Variants in SLC22A23 observed in about 807,000 individuals in gnomAD.
SLC22A23 encodes ion transporter protein.
Under a neutral mutation model 61.0 loss-of-function variants are expected in SLC22A23, and 26 were observed. That is an observed-to-expected ratio of 0.43 (90% CI 0.31 to 0.59). SLC22A23 has a LOEUF of 0.59. SLC22A23 is among the 20% of genes least tolerant of loss of function. The pLI is 0.11. For synonymous variants in SLC22A23, 430 were observed against 413.9 expected (o/e 1.04, Z -0.47); for missense variants, 796 against 934.7 (o/e 0.85, Z 1.94).
rs1045651819 is a variant in SLC22A23, at chr6:3,298,100, C to T, written c.1201G>A (p.Val401Met). 6.4e-7 allele frequency: 1 copy of T among 1,563,030 alleles called. No homozygotes were observed. Among genetic ancestry groups the T allele is most frequent in the South Asian group, 1.2e-5 (1 of 82,880 alleles). ...RMNPEGDIKG[V>M]IPELEKELSR... ...CCCGCGGTGTGCTCACCTGGTATCA[C>T]ACCCTTGATGTCGCCCTCAGGGTTC... The change falls in exon 5 of 10, where the codon GTG (valine) becomes ATG (methionine). Residue 401 changes from valine to methionine, a missense_variant. Physicochemically the swap from Val to Met is conservative, Grantham distance 21. Transcript: ENST00000406686.
chr6:3,415,713 G>C, intron 2 of SLC22A23, 39 bp downstream of exon 2: 1 of 1,371,244 alleles, frequency 7.3e-7, no homozygotes, highest in Non-Finnish European at 1.0e-6. Context: ...GCGTGCTGTG[G>C]CCTCCAAAGG....
chr6:3,272,951 G>T lies in SLC22A23; in HGVS notation c.*104C>A. On this transcript the variant is annotated 3_prime_UTR_variant, in exon 10 of 10. Coordinates refer to ENST00000406686, the MANE Select transcript of SLC22A23 (RefSeq NM_015482.2). ...CCACACCAGTTGAGAGGCTCAGCTT[G>T]GCTGAGGCAGCTTTCCCACCCCTGG... The T allele has an allele frequency of 1.9e-6, 2 of 1,057,528 alleles. No individual in the cohort carries two copies. Among genetic ancestry groups the T allele is most frequent in the Non-Finnish European group, 2.7e-6 (2 of 738,626 alleles). 65.5% of individuals were successfully genotyped at this position (1,057,528 alleles called of 1,614,324 possible). A position where few individuals can be genotyped will look rare whatever the true frequency, so the allele number is the denominator to read the frequency against.
chr6:3,284,260 G>A lies in SLC22A23; in HGVS notation c.1580-285C>T, dbSNP rs1340550497. The A allele has an allele frequency of 2.4e-5, 8 of 339,574 alleles. No homozygotes were observed. In the East Asian group the frequency reaches 4.3e-4, roughly 18 times the overall value. 21.0% of individuals were successfully genotyped at this position (339,574 alleles called of 1,614,324 possible). ...GCCGGGAGCCATGCCTGGTGGGAGG[G>A]CAGGCTGGCATGTCCCTGGTGCCAC... On this transcript the variant is annotated intron_variant, in intron 8 of 9. Transcript: ENST00000406686.
intron 4 of SLC22A23, among the ~76,000 whole-genome samples, chr6:3,314,331 T>C (rs529397999): frequency 5.9e-5 from 9 of 152,282 alleles, no homozygotes; most frequent in African/African-American, 1.9e-4. Context: ...GCTCATTATG[T>C]ATGACTGGGC....
At position 3,333,609 on chromosome 6, in the gene SLC22A23, A is replaced by G. The variant is rs545413746; in HGVS notation, c.914-9607T>C. Among the ~76,000 whole-genome samples, 22 of 152,292 alleles carry G rather than the reference A, an allele frequency of 1.4e-4. No individual in the cohort carries two copies. Among genetic ancestry groups the G allele is most frequent in the African/African-American group, 5.3e-4 (22 of 41,560 alleles). ...CCCTCCTCCTTTTCTCAGGTCTCTAAGAGCCATCTTGCCCAGAAGCTTTGC... is the reference window on the plus strand; with the variant it reads ...CCCTCCTCCTTTTCTCAGGTCTCTAGGAGCCATCTTGCCCAGAAGCTTTGC... On this transcript the variant is annotated intron_variant, in intron 3 of 9. Coordinates refer to ENST00000406686, the MANE Select transcript of SLC22A23 (RefSeq NM_015482.2). This position sits in a 1 kb window ranked among gnomAD's most constrained non-coding sequence, Gnocchi z 4.1.
chr6:3,378,664 T>C (rs1354826344), intron 3 of SLC22A23, among the ~76,000 whole-genome samples: 1 of 126,262 alleles, frequency 7.9e-6, no homozygotes. Flanking sequence ...TTTCTTTTTT[T>C]TTTTTTTTTT....
Position 3,444,936 on chromosome 6 carries a change from G to T in SLC22A23, c.654+10970C>A, listed in dbSNP as rs188892300. On this transcript the variant is annotated intron_variant, in intron 1 of 9. Transcript: ENST00000406686. ...TCCTCCCCCCTCAAAGTGCTTCTCA[G>T]ACGACTCATCCCGGTCGTCCTCACC... is the stretch of plus-strand genomic sequence containing the variant. The T allele has an allele frequency of 1.4e-3, 1,391 of 985,542 alleles. 1 individual carries two copies. Among genetic ancestry groups the T allele is most frequent in the Non-Finnish European group, 1.6e-3 (1,311 of 829,946 alleles). The allele number at this position is 985,542 out of a possible 1,614,324, so 61.0% of individuals were successfully genotyped here. A position where few individuals can be genotyped will look rare whatever the true frequency, so the allele number is the denominator to read the frequency against.
At chr6:3,417,407 A>C (rs538713933) in intron 1 of SLC22A23, among the ~76,000 whole-genome samples, 1 of 152,318 alleles carries the variant, frequency 6.6e-6, no homozygotes, top group African/African-American at 2.4e-5. Flanking sequence ...TCAATAAAAG[A>C]CGGCTTGGAA....
Position 3,286,757 on chromosome 6 carries a change from AT to A in SLC22A23, c.1546+101del. ...CCAAAGCAGCTCCTTCCAGCAGTAG[AT>A]TTTAGAGTGGCCAGCGGAGTCTTAT... On this transcript the variant is annotated intron_variant, in intron 7 of 9. Coordinates refer to ENST00000406686, the MANE Select transcript of SLC22A23 (RefSeq NM_015482.2). This position sits in a 1 kb window ranked among gnomAD's most constrained non-coding sequence, Gnocchi z 4.2. 9.7e-7 allele frequency: 1 copy of A among 1,029,306 alleles called. No individual in the cohort carries two copies. Among genetic ancestry groups the A allele is most frequent in the Non-Finnish European group, 1.4e-6 (1 of 696,592 alleles). The allele number at this position is 1,029,306 out of a possible 1,614,324, so 63.8% of individuals were successfully genotyped here.
chr6:3,281,243 A>G (rs77191352), intron 9 of SLC22A23, among the ~76,000 whole-genome samples: 32 of 152,334 alleles, frequency 2.1e-4, no homozygotes, highest in South Asian at 4.1e-4. Flanking sequence ...CCAACTCCCA[A>G]TGTCTTACAG....
At chr6:3,312,627 G>A (rs1482804107) in intron 4 of SLC22A23, 2 of 152,198 alleles carry the variant, frequency 1.3e-5, no homozygotes, top group Admixed American at 1.3e-4. Flanking sequence ...TACTGGCCAT[G>A]TGGTCTGCCA....
chr6:3,285,016 A>G, intron 8 of SLC22A23, 63 bp downstream of exon 8: 2 of 1,594,360 alleles, frequency 1.3e-6, no homozygotes, highest in African/African-American at 2.7e-5. Context: ...TGAGTCTTCG[A>G]GAAAACACCC....
At chr6:3,391,081 A>C (rs1441865462) in intron 3 of SLC22A23, among the ~76,000 whole-genome samples, 4 of 152,248 alleles carry the variant, frequency 2.6e-5, no homozygotes, top group Non-Finnish European at 2.9e-5. Context: ...AGCTACAATG[A>C]AAATAACAGC....
At position 3,386,730 on chromosome 6, in the gene SLC22A23, G is replaced by T. The variant is rs1767334757; in HGVS notation, c.913+23458C>A. Among the ~76,000 whole-genome samples the T allele has an allele frequency of 6.6e-6, 1 of 152,222 alleles. No homozygotes were observed. The highest frequency in any genetic ancestry group is 1.5e-5 in the Non-Finnish European group (1 of 68,042). ...CCCAGGGTCACCCAGCGTGGGAGGG[G>T]TGGAGGCGGCAGTGGGACTGGGTCT... On this transcript the variant is annotated intron_variant, in intron 3 of 9. Transcript: ENST00000406686. This position sits in a 1 kb window ranked among gnomAD's most constrained non-coding sequence, Gnocchi z 4.4.
rs1758438115 is a variant in SLC22A23, at chr6:3,270,978, G to C, written c.*2077C>G. 1 of 152,634 alleles carries C rather than the reference G, an allele frequency of 6.6e-6. No homozygotes were observed. 9.5% of individuals were successfully genotyped at this position (152,634 alleles called of 1,614,324 possible). On this transcript the variant is annotated 3_prime_UTR_variant, in exon 10 of 10. Transcript: ENST00000406686. Reference sequence around the variant, plus strand: ...ATGGGTGCAGACGTACACCTGTCCAGGTGCAGGCTCAGGGGCCTCGCTGGA... The same window carrying C: ...ATGGGTGCAGACGTACACCTGTCCACGTGCAGGCTCAGGGGCCTCGCTGGA...
intron 3 of SLC22A23, among the ~76,000 whole-genome samples, chr6:3,405,380 G>T (rs1205275803): frequency 6.6e-6 from 1 of 152,140 alleles, no homozygotes; most frequent in Non-Finnish European, 1.5e-5. Flanking sequence ...TTTGCCCTGA[G>T]AACTTGCTGC....
At chr6:3,294,907 G>A (rs1248046596) in intron 5 of SLC22A23, among the ~76,000 whole-genome samples, 2 of 152,226 alleles carry the variant, frequency 1.3e-5, no homozygotes, top group African/African-American at 4.8e-5. Flanking sequence ...AGGTTAGGAT[G>A]TACTGATGGG....
chr6:3,293,418 G>A (rs139995328), intron 5 of SLC22A23, among the ~76,000 whole-genome samples: 3 of 152,346 alleles, frequency 2.0e-5, no homozygotes, highest in African/African-American at 7.2e-5. Context: ...TCACCCCTCC[G>A]GGACGGATTT....
At chr6:3,299,998 CTTTT>C (rs869114176) in intron 4 of SLC22A23, among the ~76,000 whole-genome samples, 11 of 78,798 alleles carry the variant, frequency 1.4e-4, no homozygotes, top group African/African-American at 2.7e-4. Context: ...TCAGGATAGA[CTTTT>C]TTTTTTTTTT....
Sources: allele counts gnomAD v4.1 joint callset (sites outside exome capture counted in the v4.1 genomes callset), GRCh38; gene constraint gnomAD v4.1.1; non-coding constraint Gnocchi (gnomAD v3.1); transcripts MANE v1.5; gene names NCBI Gene and HGNC (gene_info 2026-07-23, HGNC 2026-07-21).